SCML4: variants seen among roughly 807,000 people sequenced by gnomAD.
The protein encoded by SCML4 is Scm polycomb group protein like 4, also known as sex comb on midleg-like protein 4.
A neutral mutation model predicts 41.1 loss-of-function variants in SCML4; 34 were observed. That is an observed-to-expected ratio of 0.83 (90% CI 0.63 to 1.10). The LOEUF is 1.10. Among genes scored for constraint, SCML4 ranks in the 50% least tolerant of loss-of-function variants. SCML4 has a pLI of 0.00. For synonymous variants in SCML4, 214 were observed against 220.9 expected (o/e 0.97, Z 0.28); for missense variants, 522 against 534.1 (o/e 0.98, Z 0.22).
intron 2 of SCML4, among the ~76,000 whole-genome samples, chr6:107,759,833 C>T (rs1011001411): frequency 1.3e-5 from 2 of 152,100 alleles, no homozygotes; most frequent in African/African-American, 4.8e-5. Context: ...ATCCATATTT[C>T]CTCATCGGGG....
At chr6:107,778,938 T>C (rs6926363) in intron 1 of SCML4, among the ~76,000 whole-genome samples, 3,200 of 152,020 alleles carry the variant, frequency 0.021, 119 homozygotes, top group African/African-American at 0.073. Flanking sequence ...CCCAGCGCTT[T>C]GGGAGGCCGA....
intron 6 of SCML4, chr6:107,720,473 C>T (rs11751163): frequency 0.64 from 801,735 of 1,253,040 alleles, 260,622 homozygotes; most frequent in Middle Eastern, 0.67. Flanking sequence ...TTGGAGTCTA[C>T]GTATCCTGTG....
chr6:107,749,678 A>C lies in SCML4; in HGVS notation c.286+6T>G, dbSNP rs200973219. 6.2e-7 allele frequency: 1 copy of C among 1,613,634 alleles called. No homozygotes were observed. The highest frequency in any genetic ancestry group is 1.3e-5 in the African/African-American group (1 of 74,966). On this transcript the variant is annotated splice_donor_region_variant and intron_variant, in intron 3 of 7. Transcript: ENST00000369020. Reference sequence around the variant, plus strand: ...CACAGCCTTGGAGTTCATTCTGCTGACCTACCTGTGAGAGCCTGTGGGGCC... The same window carrying C: ...CACAGCCTTGGAGTTCATTCTGCTGCCCTACCTGTGAGAGCCTGTGGGGCC...
intron 1 of SCML4, among the ~76,000 whole-genome samples, chr6:107,809,368 T>C (rs2114263988): frequency 6.6e-6 from 1 of 152,270 alleles, no homozygotes; most frequent in African/African-American, 2.4e-5. Flanking sequence ...CTGCATCTTA[T>C]AAAGATAAAC....
At chr6:107,815,881 C>CT (rs35988207) in intron 1 of SCML4, among the ~76,000 whole-genome samples, 8,173 of 152,228 alleles carry the variant, frequency 0.054, 738 homozygotes, top group African/African-American at 0.18. Flanking sequence ...AAGCTTACTG[C>CT]TTTAAAAGAA....
intron 1 of SCML4, among the ~76,000 whole-genome samples, chr6:107,782,410 C>CG (rs1404823771): frequency 2.0e-5 from 3 of 152,182 alleles, no homozygotes; most frequent in South Asian, 4.1e-4. Context: ...GATCCGGTCC[C>CG]GGGGGGCTGA....
At chr6:107,726,136 G>T (rs1390437058) in intron 5 of SCML4, among the ~76,000 whole-genome samples, 1 of 151,074 alleles carries the variant, frequency 6.6e-6, no homozygotes, top group Non-Finnish European at 1.5e-5. Context: ...CAAATTGGGG[G>T]AAAATACCTG....
chr6:107,815,205 TTGGAAATG>T (rs1784476501), intron 1 of SCML4, among the ~76,000 whole-genome samples: 1 of 152,130 alleles, frequency 6.6e-6, no homozygotes, highest in African/African-American at 2.4e-5. Context: ...GAGGGGCATT[TTGGAAATG>T]TGTCAGTGAT....
At chr6:107,745,312 C>A in intron 4 of SCML4, 169 bp from the exon 5 acceptor site, 1 of 577,774 alleles carries the variant, frequency 1.7e-6, no homozygotes, top group Non-Finnish European at 3.1e-6. Context: ...GGGGATCCCA[C>A]CCAGGACACC....
In SCML4 at chr6:107,705,121, T is replaced by G; in HGVS notation, c.*79A>C. ...TTTAAGAGGAGAGTCTAGTTTGTGA[T>G]GTTGGCGGGATATTGGTAAGGCAGA... On this transcript the variant is annotated 3_prime_UTR_variant, in exon 8 of 8. Coordinates refer to ENST00000369020, the MANE Select transcript of SCML4 (RefSeq NM_198081.5). 2.4e-6 allele frequency: 3 copies of G among 1,264,674 alleles called. No individual in the cohort carries two copies. Among genetic ancestry groups the G allele is most frequent in the Non-Finnish European group, 3.4e-6 (3 of 887,100 alleles). 78.3% of individuals were successfully genotyped at this position (1,264,674 alleles called of 1,614,324 possible). A position where few individuals can be genotyped will look rare whatever the true frequency, so the allele number is the denominator to read the frequency against.
intron 5 of SCML4, among the ~76,000 whole-genome samples, chr6:107,728,266 G>T (rs186356796): frequency 1.3e-3 from 197 of 152,272 alleles, no homozygotes; most frequent in Non-Finnish European, 1.8e-3. Flanking sequence ...TTCCCTTATC[G>T]CAAAGTGTGG....
intron 5 of SCML4, among the ~76,000 whole-genome samples, chr6:107,724,560 G>T (rs1775761986): frequency 6.6e-6 from 1 of 151,814 alleles, no homozygotes; most frequent in South Asian, 2.1e-4. Context: ...AAATAAAATA[G>T]GAATAACTTT....
chr6:107,713,630 C>G (rs1236849187), intron 6 of SCML4, among the ~76,000 whole-genome samples: 1 of 152,226 alleles, frequency 6.6e-6, no homozygotes, highest in Admixed American at 6.5e-5. Context: ...GAATGTGTCT[C>G]AGGGCTGGAG....
intron 1 of SCML4, among the ~76,000 whole-genome samples, chr6:107,805,117 A>G (rs1426085736): frequency 6.6e-6 from 1 of 152,192 alleles, no homozygotes; most frequent in Non-Finnish European, 1.5e-5. Flanking sequence ...AAGCAAAAAG[A>G]GGGATCAGTA....
intron 2 of SCML4, among the ~76,000 whole-genome samples, chr6:107,769,257 G>A (rs1323172949): frequency 1.3e-5 from 2 of 152,206 alleles, no homozygotes; most frequent in Admixed American, 6.5e-5. Flanking sequence ...TGCGAGCCTG[G>A]GGCCAAGAGG....
At chr6:107,822,597 G>C (rs1428244051) in intron 1 of SCML4, among the ~76,000 whole-genome samples, 1 of 147,674 alleles carries the variant, frequency 6.8e-6, no homozygotes, top group East Asian at 2.0e-4. Flanking sequence ...CTGGATTTTT[G>C]TGGGCTTTGC....
intron 5 of SCML4, among the ~76,000 whole-genome samples, chr6:107,737,421 AG>A (rs1777182283): frequency 6.6e-6 from 1 of 152,146 alleles, no homozygotes. Flanking sequence ...GATTTATACA[AG>A]TGCCACCTCG....
chr6:107,719,967 C>T (rs920274333), intron 6 of SCML4: 4 of 985,336 alleles, frequency 4.1e-6, no homozygotes, highest in East Asian at 1.1e-4. Context: ...AATCCTTTAG[C>T]CCTTATAGCG....
chr6:107,802,693 T>C (rs1186695170), intron 1 of SCML4, among the ~76,000 whole-genome samples: 1 of 66,588 alleles, frequency 1.5e-5, no homozygotes, highest in African/African-American at 7.6e-5. Context: ...TCCCTCCCCC[T>C]CCTCTCCCTC....
Sources: gnomAD v4.1 joint callset for allele counts (sites outside exome capture counted in the v4.1 genomes callset) on GRCh38, gnomAD v4.1.1 for gene constraint, MANE v1.5 for transcripts, NCBI Gene and HGNC (gene_info 2026-07-23, HGNC 2026-07-21) for gene names.